The following ZEB2 variants were observed in gnomAD, a reference collection of about 807,000 sequenced individuals.
The protein encoded by ZEB2 is zinc finger E-box binding homeobox 2.
In ZEB2, 6 loss-of-function variants were observed where a neutral mutation model predicts 99.9. The observed-to-expected ratio is 0.06, with a 90% confidence interval of 0.03 to 0.12. The LOEUF (loss-of-function observed/expected upper bound fraction) is 0.12, where lower values mean the gene tolerates loss of function less well. Ranked by LOEUF, ZEB2 falls within the 10% of genes least tolerant of loss-of-function variation. The probability of loss-of-function intolerance (pLI) is 1.00; values close to 1 mark genes in which losing one functional copy is unlikely to be tolerated. For missense variants in ZEB2, 969 were observed against 1,502.8 expected (o/e 0.64, Z 5.87); for synonymous variants, 517 against 542.5 (o/e 0.95, Z 0.65).
At chr2:144,513,222 T>C in intron 2 of ZEB2, 1 of 1,287,288 alleles carries the variant, frequency 7.8e-7, no homozygotes, top group South Asian at 1.2e-5. Context: ...GCACCTCCAC[T>C]CCTTTAAGGA....
chr2:144,442,727 C>A, intron 2 of ZEB2, among the ~76,000 whole-genome samples: 1 of 151,996 alleles, frequency 6.6e-6, no homozygotes, highest in Non-Finnish European at 1.5e-5. Flanking sequence ...CCTTTCCTTA[C>A]AAAGCATGTA....
chr2:144,488,652 G>GA (rs1704632075), intron 2 of ZEB2, among the ~76,000 whole-genome samples: 1 of 135,880 alleles, frequency 7.4e-6, no homozygotes, highest in Non-Finnish European at 1.6e-5. Context: ...TTTTCTTAAG[G>GA]ATAATTGCTC....
chr2:144,458,217 G>A (rs1244095014), intron 2 of ZEB2, among the ~76,000 whole-genome samples: 2 of 151,880 alleles, frequency 1.3e-5, no homozygotes, highest in Non-Finnish European at 2.9e-5. Flanking sequence ...TTTATTTGCT[G>A]AAGTAAAGGT....
intron 1 of ZEB2, 180 bp from the exon 2 acceptor site, chr2:144,517,599 T>C (rs1290133193): frequency 4.1e-6 from 2 of 483,758 alleles, no homozygotes; most frequent in Non-Finnish European, 7.8e-6. Context: ...CCGAGGCGCT[T>C]TGTGTTTGTT....
chr2:144,516,012 T>A (rs938255823), intron 2 of ZEB2: 1 of 152,302 alleles, frequency 6.6e-6, no homozygotes, highest in African/African-American at 2.4e-5. Context: ...AGGCGCGGGC[T>A]GGGGCTGCGG....
chr2:144,417,940 C>T (rs550610713), intron 4 of ZEB2, among the ~76,000 whole-genome samples: 89 of 152,126 alleles, frequency 5.9e-4, no homozygotes, highest in African/African-American at 2.0e-3. Context: ...TTGCACCTCA[C>T]GAATATTAAT....
chr2:144,497,233 ACT>A (rs1252109350), intron 2 of ZEB2, among the ~76,000 whole-genome samples: 2 of 151,426 alleles, frequency 1.3e-5, no homozygotes, highest in Admixed American at 6.6e-5. Flanking sequence ...CATCCTCTGT[ACT>A]CTCTCTGTAT....
At chr2:144,471,193 A>C (rs1300956613) in intron 2 of ZEB2, among the ~76,000 whole-genome samples, 1 of 152,188 alleles carries the variant, frequency 6.6e-6, no homozygotes, top group Non-Finnish European at 1.5e-5. Flanking sequence ...ACAGGACATC[A>C]GCATGCAAAG....
At chr2:144,480,054 A>G (rs541088310) in intron 2 of ZEB2, among the ~76,000 whole-genome samples, 45 of 152,288 alleles carry the variant, frequency 3.0e-4, no homozygotes, top group Non-Finnish European at 4.9e-4. Flanking sequence ...CTAGTAAACA[A>G]CGAATAAAAT....
intron 2 of ZEB2, chr2:144,462,768 G>A (rs1704212491): frequency 6.6e-6 from 1 of 152,150 alleles, no homozygotes; most frequent in African/African-American, 2.4e-5. Context: ...TTCTAGCACT[G>A]CAAAGAAAGT....
At chr2:144,501,779 T>C (rs989948535) in intron 2 of ZEB2, among the ~76,000 whole-genome samples, 4 of 152,204 alleles carry the variant, frequency 2.6e-5, no homozygotes, top group Non-Finnish European at 5.9e-5. Context: ...AGCTCTCTTC[T>C]TTTCCAGGTT....
chr2:144,517,706 G>A (rs1248278161), intron 1 of ZEB2: 3 of 702,718 alleles, frequency 4.3e-6, no homozygotes, highest in South Asian at 1.5e-5. Flanking sequence ...GAATGCACAC[G>A]GCGGTACAGT....
chr2:144,510,967 G>A (rs916640552), intron 2 of ZEB2, among the ~76,000 whole-genome samples: 2 of 152,144 alleles, frequency 1.3e-5, no homozygotes, highest in South Asian at 2.1e-4. Flanking sequence ...TTCAGCTAAC[G>A]GTGCAGCTAC....
chr2:144,398,394 G>A lies in ZEB2; in HGVS notation c.2793C>T (p.Phe931=). The change falls in exon 8 of 10, where the codon TTC becomes TTT. Residue 931 remains phenylalanine (F), a synonymous_variant. Coordinates refer to ENST00000627532, the MANE Select transcript of ZEB2 (RefSeq NM_014795.4). ...GGTAGGTGTAGGCCATATGTGGTAGGAAGCTCATCTGATCCAGTCCTGGGT... is the reference window on the plus strand; with the variant it reads ...GGTAGGTGTAGGCCATATGTGGTAGAAAGCTCATCTGATCCAGTCCTGGGT... ...RPYPGLDQMS[F]LPHMAYTYPT... The A allele has an allele frequency of 1.9e-6, 3 of 1,614,094 alleles. No individual in the cohort carries two copies. The highest frequency in any genetic ancestry group is 2.5e-6 in the Non-Finnish European group (3 of 1,179,980).
At chr2:144,453,770 C>T (rs1442562915) in intron 2 of ZEB2, among the ~76,000 whole-genome samples, 1 of 151,948 alleles carries the variant, frequency 6.6e-6, no homozygotes, top group East Asian at 1.9e-4. Flanking sequence ...TGACATCACT[C>T]AACAAAAAAC....
At position 144,385,055 on chromosome 2, in the gene ZEB2, C is replaced by A. The variant is rs1264228484; in HGVS notation, c.*4396G>T. ...ATATATAGAATGATCAGATGAGTCA[C>A]CTGTGATTTTTCTTAATGTCTTCAA... is the stretch of plus-strand genomic sequence containing the variant. On this transcript the variant is annotated 3_prime_UTR_variant, in exon 10 of 10. Transcript: ENST00000627532. 1.3e-5 allele frequency: 2 copies of A among 152,024 alleles called. No homozygotes were observed. The highest frequency in any genetic ancestry group is 2.9e-5 in the Non-Finnish European group (2 of 67,996). 9.4% of individuals were successfully genotyped at this position (152,024 alleles called of 1,614,324 possible). A position where few individuals can be genotyped will look rare whatever the true frequency, so the allele number is the denominator to read the frequency against.
intron 4 of ZEB2, among the ~76,000 whole-genome samples, chr2:144,411,058 T>TATATAC (rs1703454104): frequency 1.2e-4 from 1 of 8,300 alleles, no homozygotes; most frequent in Non-Finnish European, 2.4e-4. Flanking sequence ...CAGACATGTC[T>TATATAC]ATATATATAT....
intron 2 of ZEB2, among the ~76,000 whole-genome samples, chr2:144,451,007 C>G (rs1704048324): frequency 6.6e-6 from 1 of 152,158 alleles, no homozygotes; most frequent in Admixed American, 6.5e-5. Flanking sequence ...TTAGCTCCTT[C>G]TCTAGGCAGT....
At chr2:144,460,455 A>G (rs1334728135) in intron 2 of ZEB2, among the ~76,000 whole-genome samples, 1 of 152,006 alleles carries the variant, frequency 6.6e-6, no homozygotes, top group African/African-American at 2.4e-5. Flanking sequence ...AAACTTGGAG[A>G]ACTTTTTTGT....
Sources: allele counts gnomAD v4.1 joint callset (sites outside exome capture counted in the v4.1 genomes callset), GRCh38; gene constraint gnomAD v4.1.1; transcripts MANE v1.5; gene names NCBI Gene and HGNC (gene_info 2026-07-23, HGNC 2026-07-21).